CACNA2D3: variants seen among roughly 807,000 people sequenced by gnomAD.
CACNA2D3 encodes calcium voltage-gated channel auxiliary subunit alpha2delta 3.
CACNA2D3 carries 60 observed loss-of-function variants against 160.6 expected under a neutral mutation model. The observed-to-expected ratio is 0.37, with a 90% CI of 0.30 to 0.46. The LOEUF is 0.46. Ranked by LOEUF, CACNA2D3 falls within the 20% of genes least tolerant of loss-of-function variation. The probability of loss-of-function intolerance (pLI) is 1.00; values close to 1 mark genes in which losing one functional copy is unlikely to be tolerated. For missense variants in CACNA2D3, 1,205 were observed against 1,365.0 expected (o/e 0.88, Z 1.85); for synonymous variants, 558 against 492.9 (o/e 1.13, Z -1.75).
At chr3:54,276,164 G>A (rs1372365642) in intron 2 of CACNA2D3, among the ~76,000 whole-genome samples, 1 of 152,074 alleles carries the variant, frequency 6.6e-6, no homozygotes, top group Non-Finnish European at 1.5e-5. Flanking sequence ...CCAAATGAAT[G>A]TGCCCTGCGC....
intron 10 of CACNA2D3, among the ~76,000 whole-genome samples, chr3:54,640,720 G>A (rs1006464112): frequency 4.6e-5 from 7 of 152,036 alleles, no homozygotes; most frequent in Admixed American, 6.6e-5. Context: ...AAAATACTTG[G>A]GCTTCTCAAG....
At chr3:54,602,871 C>A (rs376295099) in intron 9 of CACNA2D3, among the ~76,000 whole-genome samples, 7 of 152,126 alleles carry the variant, frequency 4.6e-5, no homozygotes, top group African/African-American at 1.4e-4. Flanking sequence ...CTGGAAGAGG[C>A]AACTTCTTTA....
intron 31 of CACNA2D3, among the ~76,000 whole-genome samples, chr3:54,993,748 A>G (rs1193174904): frequency 1.3e-5 from 2 of 152,064 alleles, no homozygotes; most frequent in African/African-American, 4.8e-5. Context: ...AGAAAGACCA[A>G]TGGAGCACAC....
At chr3:54,856,007 C>A (rs1273718878) in intron 17 of CACNA2D3, among the ~76,000 whole-genome samples, 4 of 152,214 alleles carry the variant, frequency 2.6e-5, no homozygotes, top group Non-Finnish European at 4.4e-5. Context: ...CTTGCATGGA[C>A]CTTTGAGTCT....
At chr3:54,795,280 T>C (rs1364222976) in intron 13 of CACNA2D3, among the ~76,000 whole-genome samples, 5 of 152,190 alleles carry the variant, frequency 3.3e-5, no homozygotes, top group African/African-American at 1.2e-4. Flanking sequence ...TTAATTTTTA[T>C]TTATCCCTTT....
chr3:54,907,927 A>G (rs1314398536), intron 27 of CACNA2D3, among the ~76,000 whole-genome samples: 1 of 152,184 alleles, frequency 6.6e-6, no homozygotes. Flanking sequence ...TTGCCATATA[A>G]TATTCCCTTG....
intron 25 of CACNA2D3, 79 bp from the exon 26 acceptor site, chr3:54,896,670 T>G (rs1700196319): frequency 1.9e-6 from 3 of 1,574,190 alleles, no homozygotes; most frequent in Non-Finnish European, 1.7e-6. Flanking sequence ...TTTTACCTGA[T>G]GAAGGCTGTC....
intron 4 of CACNA2D3, among the ~76,000 whole-genome samples, chr3:54,455,305 T>G (rs1270075213): frequency 6.6e-6 from 1 of 152,108 alleles, no homozygotes; most frequent in Non-Finnish European, 1.5e-5. Context: ...GAGATGATAT[T>G]GTGGTTTTGA....
chr3:54,744,660 C>T (rs1701717355), intron 11 of CACNA2D3, among the ~76,000 whole-genome samples: 1 of 152,268 alleles, frequency 6.6e-6, no homozygotes, highest in Non-Finnish European at 1.5e-5. Context: ...CAGGAGTCAG[C>T]TTCCTCTTCA....
intron 11 of CACNA2D3, among the ~76,000 whole-genome samples, chr3:54,737,895 A>T (rs915039280): frequency 2.0e-5 from 3 of 152,046 alleles, no homozygotes; most frequent in African/African-American, 7.2e-5. Context: ...TGAACTCCTG[A>T]CCTCAGGTGA....
intron 2 of CACNA2D3, among the ~76,000 whole-genome samples, chr3:54,215,921 T>C (rs1311576670): frequency 6.6e-6 from 1 of 152,096 alleles, no homozygotes; most frequent in Non-Finnish European, 1.5e-5. Flanking sequence ...TCCTTTCTCT[T>C]ATGGAACGAT....
intron 11 of CACNA2D3, among the ~76,000 whole-genome samples, chr3:54,654,643 G>T (rs929721366): frequency 3.9e-5 from 6 of 152,170 alleles, no homozygotes; most frequent in African/African-American, 1.4e-4. Flanking sequence ...TCTGGCAAGG[G>T]CATGCCGGCG....
At chr3:54,147,987 A>G (rs1211808170) in intron 2 of CACNA2D3, among the ~76,000 whole-genome samples, 1 of 152,130 alleles carries the variant, frequency 6.6e-6, no homozygotes, top group Non-Finnish European at 1.5e-5. Context: ...TTATATTTTT[A>G]GTAGAGACAG....
At chr3:54,283,769 A>G (rs954357130) in intron 2 of CACNA2D3, among the ~76,000 whole-genome samples, 4 of 117,498 alleles carry the variant, frequency 3.4e-5, no homozygotes, top group Non-Finnish European at 5.8e-5. Context: ...CTGTGTAGAT[A>G]GAGGAAGAGG....
At chr3:54,707,341 A>G (rs1346237236) in intron 11 of CACNA2D3, among the ~76,000 whole-genome samples, 1 of 152,216 alleles carries the variant, frequency 6.6e-6, no homozygotes, top group African/African-American at 2.4e-5. Flanking sequence ...AAGTTTGTTC[A>G]TTATGTTCAT....
chr3:54,241,199 G>T (rs917368866), intron 2 of CACNA2D3, among the ~76,000 whole-genome samples: 3 of 152,160 alleles, frequency 2.0e-5, no homozygotes, highest in African/African-American at 4.8e-5. Flanking sequence ...GTTTCTAAGA[G>T]AAATATGAAC....
At chr3:54,329,745 CATAATAATA>C (rs574345629) in intron 3 of CACNA2D3, among the ~76,000 whole-genome samples, 8 of 151,504 alleles carry the variant, frequency 5.3e-5, no homozygotes, top group African/African-American at 1.7e-4. Context: ...AGAAGAAAGC[CATAATAATA>C]ATAATAATAA....
intron 27 of CACNA2D3, among the ~76,000 whole-genome samples, chr3:54,960,600 G>A (rs1234503224): frequency 2.0e-5 from 3 of 152,094 alleles, no homozygotes; most frequent in African/African-American, 7.2e-5. Context: ...AAAGGTTGTT[G>A]CTGATCATTC....
At chr3:54,899,245 T>G (rs1030779769) in intron 26 of CACNA2D3, among the ~76,000 whole-genome samples, 6 of 152,208 alleles carry the variant, frequency 3.9e-5, no homozygotes, top group East Asian at 1.9e-4. Context: ...AGAATAATAA[T>G]AGTTTGGAGT....
Sources: allele counts gnomAD v4.1 joint callset (sites outside exome capture counted in the v4.1 genomes callset), GRCh38; gene constraint gnomAD v4.1.1; transcripts MANE v1.5; gene names NCBI Gene and HGNC (gene_info 2026-07-23, HGNC 2026-07-21).